The following NELL1 variants were observed in gnomAD, a reference collection of about 807,000 sequenced individuals.
The protein encoded by NELL1 is neural EGFL like 1.
Under a neutral mutation model 107.4 loss-of-function variants are expected in NELL1, and 76 were observed. The observed-to-expected ratio is 0.71, with a 90% confidence interval of 0.59 to 0.86. The LOEUF is 0.86. NELL1 is among the 40% of genes least tolerant of loss of function. NELL1 has a pLI of 0.00. For synonymous variants in NELL1, 353 were observed against 341.2 expected (o/e 1.03, Z -0.38); for missense variants, 1,024 against 1,005.5 (o/e 1.02, Z -0.25).
chr11:21,351,176 G>A (rs1308555655), intron 14 of NELL1, among the ~76,000 whole-genome samples: 1 of 152,118 alleles, frequency 6.6e-6, no homozygotes, highest in Non-Finnish European at 1.5e-5. Flanking sequence ...GCAGCCACCA[G>A]AAGCTAGGAC....
At chr11:20,846,186 T>G (rs1848698495) in intron 3 of NELL1, among the ~76,000 whole-genome samples, 1 of 152,206 alleles carries the variant, frequency 6.6e-6, no homozygotes. Context: ...CATGATTCTT[T>G]GTACTGGTGC....
chr11:21,473,746 A>G (rs1048525171), intron 15 of NELL1, among the ~76,000 whole-genome samples: 15 of 152,074 alleles, frequency 9.9e-5, no homozygotes, highest in African/African-American at 3.6e-4. Context: ...ATAATATAGG[A>G]GGAAATTCTA....
At chr11:20,730,539 G>T (rs572048727) in intron 2 of NELL1, among the ~76,000 whole-genome samples, 1 of 152,272 alleles carries the variant, frequency 6.6e-6, no homozygotes, top group East Asian at 1.9e-4. Context: ...AGACCTCTTT[G>T]ATACCACACC....
intron 15 of NELL1, among the ~76,000 whole-genome samples, chr11:21,445,507 G>A (rs745557104): frequency 1.3e-5 from 2 of 151,860 alleles, no homozygotes; most frequent in African/African-American, 4.8e-5. Context: ...TGTATTTTTA[G>A]TATTTTTAGT....
intron 3 of NELL1, among the ~76,000 whole-genome samples, chr11:20,798,175 G>A (rs1028146670): frequency 6.6e-6 from 1 of 152,202 alleles, no homozygotes; most frequent in Non-Finnish European, 1.5e-5. Context: ...AAATGAAAAT[G>A]AGTGGAAGGA....
chr11:20,865,332 AG>A (rs1257304824), intron 4 of NELL1, among the ~76,000 whole-genome samples: 1 of 152,250 alleles, frequency 6.6e-6, no homozygotes, highest in Non-Finnish European at 1.5e-5. Context: ...AAAAATCACT[AG>A]GATTAACCAA....
At chr11:21,165,758 CTTT>C (rs34509347) in intron 13 of NELL1, among the ~76,000 whole-genome samples, 10 of 98,498 alleles carry the variant, frequency 1.0e-4, no homozygotes, top group Admixed American at 2.4e-4. Context: ...ACAATGAGAT[CTTT>C]TTTTTTTTTT....
chr11:20,721,234 T>TTATATATA lies in NELL1; in HGVS notation c.184+43182_184+43189dup, dbSNP rs140608526. Among the ~76,000 whole-genome samples the TTATATATA allele has an allele frequency of 6.9e-3, 964 of 138,774 alleles. 6 individuals carry two copies. The highest frequency in any genetic ancestry group is 8.7e-3 in the African/African-American group (314 of 35,970). The allele number at this position is 138,774 out of a possible 152,430, so 91.0% of individuals were successfully genotyped here. A position where few individuals can be genotyped will look rare whatever the true frequency, so the allele number is the denominator to read the frequency against. ...TATTTTGTTTATATATATATTTTGT[T>TTATATATA]TATATATATATATATTTATTTGTTT... On this transcript the variant is annotated intron_variant, in intron 2 of 19. Transcript: ENST00000357134.
intron 10 of NELL1, among the ~76,000 whole-genome samples, chr11:20,938,104 A>G (rs544729439): frequency 6.6e-6 from 1 of 152,202 alleles, no homozygotes; most frequent in East Asian, 1.9e-4. Flanking sequence ...GTGAGAGGAG[A>G]AAGAACTAAC....
chr11:21,221,080 T>C (rs936865399), intron 13 of NELL1, among the ~76,000 whole-genome samples: 48 of 152,200 alleles, frequency 3.2e-4, no homozygotes, highest in African/African-American at 1.1e-3. Context: ...TATCATGAAG[T>C]GATGTTGAAT....
At chr11:21,377,967 G>A (rs1851518072) in intron 15 of NELL1, among the ~76,000 whole-genome samples, 1 of 151,950 alleles carries the variant, frequency 6.6e-6, no homozygotes, top group African/African-American at 2.4e-5. Flanking sequence ...GCTGTCTTAT[G>A]CATTGTAGGA....
At chr11:21,003,269 C>T (rs533679555) in intron 12 of NELL1, among the ~76,000 whole-genome samples, 1 of 152,186 alleles carries the variant, frequency 6.6e-6, no homozygotes, top group East Asian at 1.9e-4. Flanking sequence ...TTGTTTTTCC[C>T]ATTTAGCTTA....
chr11:20,701,399 C>T (rs1854783368), intron 2 of NELL1, among the ~76,000 whole-genome samples: 1 of 152,118 alleles, frequency 6.6e-6, no homozygotes. Flanking sequence ...TTTGTAGATT[C>T]TGGATATTAG....
intron 13 of NELL1, among the ~76,000 whole-genome samples, chr11:21,146,753 A>T (rs1374475480): frequency 6.6e-6 from 1 of 152,202 alleles, no homozygotes; most frequent in East Asian, 1.9e-4. Context: ...CTAGATGAGT[A>T]TCACTTTGGC....
At chr11:20,957,563 A>T (rs577276754) in intron 11 of NELL1, among the ~76,000 whole-genome samples, 2 of 152,236 alleles carry the variant, frequency 1.3e-5, no homozygotes, top group African/African-American at 4.8e-5. Flanking sequence ...CATAAACAAC[A>T]AATGGCAAAA....
chr11:20,692,501 G>C (rs972734538), intron 2 of NELL1, among the ~76,000 whole-genome samples: 2 of 151,324 alleles, frequency 1.3e-5, no homozygotes, highest in African/African-American at 2.4e-5. Context: ...GTTCTCGTTG[G>C]TTTCAAAGAA....
chr11:21,192,662 C>T (rs1791846), intron 13 of NELL1, among the ~76,000 whole-genome samples: 106,540 of 151,594 alleles, frequency 0.7, 39,365 homozygotes, highest in Non-Finnish European at 0.81. Context: ...TTTGTAGTGA[C>T]AGATTTTTCA....
intron 14 of NELL1, among the ~76,000 whole-genome samples, chr11:21,243,915 C>T (rs1858426523): frequency 6.6e-6 from 1 of 152,048 alleles, no homozygotes; most frequent in African/African-American, 2.4e-5. Context: ...GGCAGCAGGG[C>T]ACCCTTAAAA....
In NELL1 at chr11:20,847,719, G is replaced by C. The variant is rs751113746; in HGVS notation, c.472G>C (p.Ala158Pro). The C allele has an allele frequency of 6.2e-7, 1 of 1,612,940 alleles. No individual in the cohort carries two copies. ...QWHKVALSVS[A>P]SHLLLHVDCN... The stretch of plus-strand genomic sequence containing the variant: ...GCACAAGGTTGCACTGTCAGTTAGC[G>C]CCTCTCATCTCCTGCTCCATGTCGA... Residue 158 changes from alanine to proline, a missense_variant, in exon 4 of 20, where the codon GCC becomes CCC. Physicochemically the swap from Ala to Pro is conservative, Grantham distance 27. Transcript: ENST00000357134.
Sources: allele counts gnomAD v4.1 joint callset (sites outside exome capture counted in the v4.1 genomes callset), GRCh38; gene constraint gnomAD v4.1.1; transcripts MANE v1.5; gene names NCBI Gene and HGNC (gene_info 2026-07-23, HGNC 2026-07-21).